CCDC149: variants seen among roughly 807,000 people sequenced by gnomAD.
CCDC149 encodes coiled-coil domain containing 149, also known as coiled-coil domain-containing protein 149.
CCDC149 carries 45 observed loss-of-function variants against 59.9 expected under a neutral mutation model. That is an observed-to-expected ratio of 0.75 (90% CI 0.59 to 0.96). The LOEUF (loss-of-function observed/expected upper bound fraction) is 0.96. Among genes scored for constraint, CCDC149 ranks in the 40% least tolerant of loss-of-function variants. The probability of loss-of-function intolerance (pLI) is 0.00; values close to 1 mark genes in which losing one functional copy is unlikely to be tolerated. For missense variants in CCDC149, 584 were observed against 664.7 expected, an observed-to-expected ratio of 0.88 and a Z score of 1.33; for synonymous variants, 245 against 260.6, an observed-to-expected ratio of 0.94 and a Z score of 0.58.
At chr4:24,926,509 C>T (rs543949421) in intron 1 of CCDC149, among the ~76,000 whole-genome samples, 26 of 152,300 alleles carry the variant, frequency 1.7e-4, no homozygotes, top group East Asian at 1.5e-3. Context: ...GAACCCACTG[C>T]GGAGTGTCCC....
chr4:24,940,743 A>C (rs1577496425), intron 1 of CCDC149, among the ~76,000 whole-genome samples: 1 of 152,240 alleles, frequency 6.6e-6, no homozygotes, highest in East Asian at 1.9e-4. Flanking sequence ...AGGGGTTGTA[A>C]TTCTAGTCTC....
At chr4:24,910,218 TC>T (rs1220307230) in intron 1 of CCDC149, among the ~76,000 whole-genome samples, 1 of 152,222 alleles carries the variant, frequency 6.6e-6, no homozygotes, top group East Asian at 1.9e-4. Context: ...CACATGGTCT[TC>T]CTTTCATGCA....
chr4:24,820,181 A>G, intron 11 of CCDC149: 1 of 492,818 alleles, frequency 2.0e-6, no homozygotes. Flanking sequence ...CACACACAAA[A>G]TCCTTATCAC....
intron 9 of CCDC149, among the ~76,000 whole-genome samples, chr4:24,824,183 T>C (rs1282278388): frequency 3.3e-5 from 5 of 152,224 alleles, no homozygotes; most frequent in African/African-American, 1.2e-4. Context: ...ATATTTTTTC[T>C]GATGTTTCGG....
chr4:24,878,897 T>C (rs946914765), intron 1 of CCDC149, among the ~76,000 whole-genome samples: 5 of 152,268 alleles, frequency 3.3e-5, no homozygotes, highest in Admixed American at 1.3e-4. Flanking sequence ...GCCATTTCAC[T>C]CACAAGGCAC....
At chr4:24,845,861 T>C (rs771544235) in intron 4 of CCDC149, among the ~76,000 whole-genome samples, 2 of 152,236 alleles carry the variant, frequency 1.3e-5, no homozygotes, top group Non-Finnish European at 2.9e-5. Flanking sequence ...CACTGTCAGA[T>C]AGTTCAGCAC....
intron 1 of CCDC149, among the ~76,000 whole-genome samples, chr4:24,903,467 T>C (rs981967047): frequency 6.6e-6 from 1 of 152,124 alleles, no homozygotes; most frequent in African/African-American, 2.4e-5. Context: ...ACACAGCTAG[T>C]TTTGATGGAA....
chr4:24,837,336 C>T lies in CCDC149; in HGVS notation c.554G>A (p.Arg185Gln), dbSNP rs146803158. The change falls in exon 6 of 13, where the codon CGG (arginine) becomes CAG (glutamine). Residue 185 changes from arginine (R) to glutamine (Q), a missense_variant. Transcript: ENST00000635206. The surrounding 1 kb of genome is among the most constrained non-coding windows in gnomAD (Gnocchi z 4.3). ...CTCCACTTTGTCCTGGTAGGAAGAC[C>T]GTTCTTCTTTAACATCCTGAAGCTC... 270 of 1,614,144 alleles carry T rather than the reference C, an allele frequency of 1.7e-4. 1 individual carries two copies. Among genetic ancestry groups the T allele is most frequent in the Non-Finnish European group, 1.6e-4 (186 of 1,180,018 alleles).
intron 12 of CCDC149, among the ~76,000 whole-genome samples, chr4:24,817,328 C>T (rs927678661): frequency 1.3e-5 from 2 of 152,130 alleles, no homozygotes; most frequent in African/African-American, 2.4e-5. Flanking sequence ...TTACAAGCAG[C>T]CACATGAGGC....
intron 8 of CCDC149, 112 bp from the exon 9 acceptor site, chr4:24,831,762 C>T: frequency 1.0e-6 from 1 of 968,656 alleles, no homozygotes; most frequent in Non-Finnish European, 1.5e-6. Context: ...CAAAATGCTA[C>T]TATGTTGTAT....
At chr4:24,923,883 C>A (rs898241793) in intron 1 of CCDC149, among the ~76,000 whole-genome samples, 1 of 152,180 alleles carries the variant, frequency 6.6e-6, no homozygotes, top group African/African-American at 2.4e-5. Context: ...GCCAGGGCAG[C>A]CCTGCTACCC....
chr4:24,937,816 C>A (rs73250635), intron 1 of CCDC149, among the ~76,000 whole-genome samples: 3 of 152,096 alleles, frequency 2.0e-5, no homozygotes, highest in Admixed American at 6.5e-5. Flanking sequence ...ACATGGAAGT[C>A]GGTGAGGAGT....
At chr4:24,870,454 G>T (rs1448127873) in intron 3 of CCDC149, among the ~76,000 whole-genome samples, 1 of 152,128 alleles carries the variant, frequency 6.6e-6, no homozygotes, top group Non-Finnish European at 1.5e-5. Context: ...ATCCTATCTC[G>T]TGCAGCAATC....
chr4:24,899,141 T>C (rs1721013170), intron 1 of CCDC149, among the ~76,000 whole-genome samples: 1 of 151,974 alleles, frequency 6.6e-6, no homozygotes, highest in Non-Finnish European at 1.5e-5. Context: ...GGGAGAGGGG[T>C]TGAGAATCTG....
chr4:24,895,755 G>C (rs887509151), intron 1 of CCDC149, among the ~76,000 whole-genome samples: 1 of 152,168 alleles, frequency 6.6e-6, no homozygotes, highest in Non-Finnish European at 1.5e-5. Context: ...GCTCAGACAG[G>C]ACTGGGTCAC....
At chr4:24,885,051 G>A (rs1204619134) in intron 1 of CCDC149, among the ~76,000 whole-genome samples, 1 of 152,188 alleles carries the variant, frequency 6.6e-6, no homozygotes, top group African/African-American at 2.4e-5. Flanking sequence ...GCCAGAAGAT[G>A]TGTGTTCAGA....
chr4:24,948,869 CT>C (rs2109353210), intron 1 of CCDC149, among the ~76,000 whole-genome samples: 1 of 152,266 alleles, frequency 6.6e-6, no homozygotes, highest in African/African-American at 2.4e-5. Flanking sequence ...CTCATGAGAT[CT>C]GATGGTTTTA....
intron 1 of CCDC149, among the ~76,000 whole-genome samples, chr4:24,884,456 T>C (rs1200175972): frequency 2.6e-5 from 4 of 152,216 alleles, no homozygotes; most frequent in African/African-American, 7.2e-5. Flanking sequence ...TCTCAGGACA[T>C]ATCCCTGTCA....
chr4:24,917,463 A>G (rs1470021989), upstream of CCDC149, among the ~76,000 whole-genome samples: 1 of 152,136 alleles, frequency 6.6e-6, no homozygotes, highest in African/African-American at 2.4e-5. Flanking sequence ...GTGGGAGACA[A>G]GAGGTGGGGA....
Sources: gnomAD v4.1 joint callset for allele counts (sites outside exome capture counted in the v4.1 genomes callset) on GRCh38, gnomAD v4.1.1 for gene constraint, Gnocchi (gnomAD v3.1) non-coding constraint, MANE v1.5 for transcripts, NCBI Gene and HGNC (gene_info 2026-07-23, HGNC 2026-07-21) for gene names.